DAB1: variants seen among roughly 807,000 people sequenced by gnomAD.
The protein encoded by DAB1 is DAB adaptor protein 1.
DAB1 carries 15 observed loss-of-function variants against 64.6 expected under a neutral mutation model. That is an observed-to-expected ratio of 0.23 (90% CI 0.16 to 0.36). DAB1 has a LOEUF of 0.36. DAB1 is among the 10% of genes least tolerant of loss of function. DAB1 has a pLI of 1.00. For synonymous variants in DAB1, 235 were observed against 251.9 expected (o/e 0.93, Z 0.64); for missense variants, 596 against 706.7 (o/e 0.84, Z 1.78).
intron 2 of DAB1, among the ~76,000 whole-genome samples, chr1:57,230,320 G>GAAAAAAA (rs77981305): frequency 1.1e-5 from 1 of 91,352 alleles, no homozygotes. Flanking sequence ...CCCCTTCAGA[G>GAAAAAAA]AAAAAAAAAA....
chr1:57,055,966 T>G (rs1458791612), intron 9 of DAB1, among the ~76,000 whole-genome samples: 1 of 152,168 alleles, frequency 6.6e-6, no homozygotes, highest in African/African-American at 2.4e-5. Context: ...ACTGAGCTCA[T>G]TCACATACTT....
chr1:58,480,907 C>G (rs926768599), intron 3 of DAB1: 33 of 734,562 alleles, frequency 4.5e-5, no homozygotes, highest in Middle Eastern at 3.9e-4. Flanking sequence ...TAAAAAGTAA[C>G]ATAAAATGAT....
chr1:58,499,509 A>ATAGATAGATAGATAAATAG (rs776144705), intron 3 of DAB1, among the ~76,000 whole-genome samples: 24 of 42,898 alleles, frequency 5.6e-4, no homozygotes, highest in African/African-American at 1.7e-3. Flanking sequence ...TAGATAGATA[A>ATAGATAGATAGATAAATAG]ATAGATAGAT....
chr1:58,269,428 G>C (rs1661259111), intron 4 of DAB1, among the ~76,000 whole-genome samples: 1 of 149,766 alleles, frequency 6.7e-6, no homozygotes, highest in African/African-American at 2.5e-5. Flanking sequence ...TGGACATTTG[G>C]GTTGGTTCCA....
intron 5 of DAB1, among the ~76,000 whole-genome samples, chr1:58,042,946 G>C (rs1647160082): frequency 6.6e-6 from 1 of 152,164 alleles, no homozygotes; most frequent in African/African-American, 2.4e-5. Context: ...GAAGCTAGAG[G>C]TAAAGATTCT....
intron 5 of DAB1, among the ~76,000 whole-genome samples, chr1:58,021,870 C>T (rs1333803880): frequency 6.6e-6 from 1 of 152,098 alleles, no homozygotes; most frequent in Admixed American, 6.5e-5. Flanking sequence ...TGAGGTGGTG[C>T]GAATGTGATG....
intron 3 of DAB1, among the ~76,000 whole-genome samples, chr1:58,373,279 G>C (rs12118728): frequency 7.1e-6 from 1 of 141,654 alleles, no homozygotes; most frequent in Non-Finnish European, 1.5e-5. Context: ...CCACTAACTC[G>C]TCATCTAGCA....
intron 5 of DAB1, among the ~76,000 whole-genome samples, chr1:57,974,742 TC>T (rs1645879135): frequency 6.6e-6 from 1 of 152,166 alleles, no homozygotes; most frequent in African/African-American, 2.4e-5. Context: ...ATACCAGATA[TC>T]ATCTATACAT....
At chr1:57,470,998 A>G (rs987159995) in intron 7 of DAB1, among the ~76,000 whole-genome samples, 5 of 152,230 alleles carry the variant, frequency 3.3e-5, no homozygotes, top group African/African-American at 1.2e-4. Context: ...TGGCCTACTT[A>G]AAAACCATCA....
At chr1:58,387,818 C>T (rs945509169) in intron 3 of DAB1, among the ~76,000 whole-genome samples, 1 of 150,528 alleles carries the variant, frequency 6.6e-6, no homozygotes, top group Non-Finnish European at 1.5e-5. Flanking sequence ...GCTCTGCCTC[C>T]CGGTTTTATG....
At chr1:57,965,391 G>T (rs1446980182) in intron 5 of DAB1, among the ~76,000 whole-genome samples, 1 of 152,040 alleles carries the variant, frequency 6.6e-6, no homozygotes, top group Non-Finnish European at 1.5e-5. Context: ...ACCTCATAGG[G>T]GTATCACTTT....
At chr1:58,124,388 T>C (rs1402861906) in intron 5 of DAB1, among the ~76,000 whole-genome samples, 1 of 152,088 alleles carries the variant, frequency 6.6e-6, no homozygotes, top group Non-Finnish European at 1.5e-5. Flanking sequence ...CAAAGTCAAG[T>C]CATCATTTTC....
intron 4 of DAB1, among the ~76,000 whole-genome samples, chr1:58,208,236 C>A (rs1385760439): frequency 1.3e-5 from 2 of 152,090 alleles, no homozygotes; most frequent in African/African-American, 4.8e-5. Context: ...TAGTGGAATT[C>A]GAATTCAATC....
At chr1:57,214,677 A>G (rs197601) in intron 2 of DAB1, among the ~76,000 whole-genome samples, 83,891 of 151,212 alleles carry the variant, frequency 0.55, 24,017 homozygotes, top group African/African-American at 0.69. Context: ...TTGGGAGGCC[A>G]AGGTGGGTGG....
intron 1 of DAB1, among the ~76,000 whole-genome samples, chr1:57,340,073 A>G (rs1677445964): frequency 6.6e-6 from 1 of 152,170 alleles, no homozygotes; most frequent in Non-Finnish European, 1.5e-5. Context: ...AGCAGAAGCA[A>G]AATCTCGATG....
At chr1:58,384,241 G>A (rs747071639) in intron 3 of DAB1, among the ~76,000 whole-genome samples, 4 of 151,846 alleles carry the variant, frequency 2.6e-5, no homozygotes, top group African/African-American at 4.8e-5. Flanking sequence ...GCTACAACAC[G>A]GATGGACTTG....
chr1:58,084,089 T>C (rs1650160308), intron 5 of DAB1, among the ~76,000 whole-genome samples: 1 of 152,182 alleles, frequency 6.6e-6, no homozygotes, highest in Non-Finnish European at 1.5e-5. Context: ...AACTGTCTCT[T>C]TAAATAATGT....
intron 5 of DAB1, among the ~76,000 whole-genome samples, chr1:58,113,050 C>G (rs998772502): frequency 2.0e-5 from 3 of 152,152 alleles, no homozygotes; most frequent in African/African-American, 7.2e-5. Flanking sequence ...TCTGTCCTTA[C>G]AGACCCTGCA....
At chr1:58,224,899 G>T (rs569799427) in intron 4 of DAB1, among the ~76,000 whole-genome samples, 88 of 151,750 alleles carry the variant, frequency 5.8e-4, no homozygotes, top group African/African-American at 2.1e-3. Flanking sequence ...ACATAGGCAT[G>T]GGCAAGGACT....
Sources: gnomAD v4.1 joint callset for allele counts (sites outside exome capture counted in the v4.1 genomes callset) on GRCh38, gnomAD v4.1.1 for gene constraint, MANE v1.5 for transcripts, NCBI Gene and HGNC (gene_info 2026-07-23, HGNC 2026-07-21) for gene names.